Variants in THRB observed in about 807,000 individuals in gnomAD.
THRB encodes the protein thyroid hormone receptor beta.
In THRB, 12 loss-of-function variants were observed where a neutral mutation model predicts 47.8. The observed-to-expected ratio is 0.25, with a 90% CI of 0.16 to 0.41. THRB has a LOEUF of 0.41. Among genes scored for constraint, THRB ranks in the 10% least tolerant of loss-of-function variants. THRB has a pLI of 1.00. For synonymous variants in THRB, 218 were observed against 212.2 expected (o/e 1.03, Z -0.24); for missense variants, 348 against 589.2 (o/e 0.59, Z 4.24).
At position 24,260,848 on chromosome 3, in the gene THRB, G is replaced by A. The variant is rs1352360714; in HGVS notation, c.-42-31847C>T. On this transcript the variant is annotated intron_variant, in intron 3 of 10. Transcript: ENST00000646209. Reference sequence around the variant, plus strand: ...AATTCTTAGGACCACATCTACTCTCGGACCAGGATCTATACCTACGTATTC... The same window carrying A: ...AATTCTTAGGACCACATCTACTCTCAGACCAGGATCTATACCTACGTATTC... 3.9e-5 allele frequency among the ~76,000 whole-genome samples: 6 copies of A among 152,092 alleles called. No homozygotes were observed. In the East Asian group the frequency reaches 9.6e-4, roughly 24 times the overall value.
At chr3:24,221,048 C>T (rs1000333359) in intron 4 of THRB, among the ~76,000 whole-genome samples, 1 of 152,046 alleles carries the variant, frequency 6.6e-6, no homozygotes, top group African/African-American at 2.4e-5. Flanking sequence ...ACTGGCATTC[C>T]ACACTAGTTT....
chr3:24,329,901 G>A (rs1311850490), intron 2 of THRB, among the ~76,000 whole-genome samples: 1 of 152,244 alleles, frequency 6.6e-6, no homozygotes, highest in Non-Finnish European at 1.5e-5. Context: ...TACTGAATCA[G>A]AGACTCTGGC....
intron 3 of THRB, among the ~76,000 whole-genome samples, chr3:24,271,873 A>G (rs1397509392): frequency 6.6e-6 from 1 of 152,168 alleles, no homozygotes; most frequent in East Asian, 1.9e-4. Flanking sequence ...GTAGAAGGGA[A>G]AATATTTATC....
At chr3:24,413,813 C>A (rs551597841) in intron 1 of THRB, among the ~76,000 whole-genome samples, 1 of 151,718 alleles carries the variant, frequency 6.6e-6, no homozygotes, top group South Asian at 2.1e-4. Flanking sequence ...GAGAACATAC[C>A]CCATGGAATA....
At chr3:24,301,505 T>A (rs1193516140) in intron 2 of THRB, among the ~76,000 whole-genome samples, 1 of 152,092 alleles carries the variant, frequency 6.6e-6, no homozygotes, top group East Asian at 1.9e-4. Flanking sequence ...CTAGCCTGTA[T>A]TTTTTAGTTT....
At chr3:24,281,384 T>C (rs1286100788) in intron 3 of THRB, among the ~76,000 whole-genome samples, 4 of 151,788 alleles carry the variant, frequency 2.6e-5, no homozygotes, top group African/African-American at 9.7e-5. Flanking sequence ...GACAAGCAAA[T>C]GCTGAGAGAT....
At chr3:24,421,054 T>C (rs114558236) in intron 1 of THRB, among the ~76,000 whole-genome samples, 2,617 of 152,040 alleles carry the variant, frequency 0.017, 68 homozygotes, top group African/African-American at 0.055. Context: ...TGCAGGAAGA[T>C]GGATGGAGCT....
chr3:24,400,225 C>G (rs180903973), intron 1 of THRB, among the ~76,000 whole-genome samples: 1 of 152,178 alleles, frequency 6.6e-6, no homozygotes, highest in East Asian at 1.9e-4. Flanking sequence ...CAATACTGAG[C>G]TAGCCAAACA....
chr3:24,392,458 C>T (rs1486202438), intron 1 of THRB, among the ~76,000 whole-genome samples: 1 of 152,080 alleles, frequency 6.6e-6, no homozygotes, highest in Non-Finnish European at 1.5e-5. Context: ...GCTATTCTAT[C>T]AAACACTAGG....
intron 1 of THRB, among the ~76,000 whole-genome samples, chr3:24,349,103 T>C (rs976162433): frequency 2.6e-5 from 4 of 152,160 alleles, no homozygotes; most frequent in Non-Finnish European, 5.9e-5. Flanking sequence ...CAGTAAATTA[T>C]ACCATTTATA....
intron 3 of THRB, among the ~76,000 whole-genome samples, chr3:24,269,277 CCACACACACACACACACACACACA>C (rs4024153): frequency 9.2e-5 from 13 of 140,730 alleles, no homozygotes; most frequent in African/African-American, 1.1e-4. Flanking sequence ...AATGGATACA[CCACACACACACACACACACACACA>C]CACACACACA....
chr3:24,130,360 G>A (rs1289991020), intron 9 of THRB, among the ~76,000 whole-genome samples: 2 of 152,138 alleles, frequency 1.3e-5, no homozygotes, highest in East Asian at 1.9e-4. Flanking sequence ...TCCTGGTGGC[G>A]GAGATGGCTG....
chr3:24,165,047 G>T, intron 5 of THRB: 1 of 756,042 alleles, frequency 1.3e-6, no homozygotes, highest in East Asian at 2.4e-5. Flanking sequence ...AGAATACGAT[G>T]GCGACTGCAC....
intron 1 of THRB, among the ~76,000 whole-genome samples, chr3:24,400,334 CA>C (rs1433740300): frequency 6.6e-6 from 1 of 152,032 alleles, no homozygotes; most frequent in Non-Finnish European, 1.5e-5. Flanking sequence ...TTAGTGGAAA[CA>C]AAGCCTGATA....
intron 5 of THRB, among the ~76,000 whole-genome samples, chr3:24,161,853 C>G (rs913231948): frequency 1.5e-5 from 2 of 137,804 alleles, no homozygotes; most frequent in Non-Finnish European, 3.1e-5. Flanking sequence ...CCCATCTCCT[C>G]GATCCTGGCT....
rs926862468 is a variant in THRB at position 24,119,957 on chromosome 3, T to A, written c.*2927A>T. 2.6e-5 allele frequency: 4 copies of A among 151,846 alleles called. No homozygotes were observed. Among genetic ancestry groups the A allele is most frequent in the Non-Finnish European group, 5.9e-5 (4 of 67,992 alleles). 9.4% of individuals were successfully genotyped at this position (151,846 alleles called of 1,614,324 possible). A position where few individuals can be genotyped will look rare whatever the true frequency, so the allele number is the denominator to read the frequency against. ...TAAATACAAATCCCAGCATAATGGGTGTGTTCTCCTCTACTGAGACGTCTC... is the reference window on the plus strand; with the variant it reads ...TAAATACAAATCCCAGCATAATGGGAGTGTTCTCCTCTACTGAGACGTCTC... On this transcript the variant is annotated 3_prime_UTR_variant, in exon 11 of 11. Coordinates refer to ENST00000646209, the MANE Select transcript of THRB (RefSeq NM_001354712.2).
intron 2 of THRB, among the ~76,000 whole-genome samples, 167 bp from the exon 3 acceptor site, chr3:24,297,538 A>G (rs921516891): frequency 6.6e-6 from 1 of 152,234 alleles, no homozygotes; most frequent in Non-Finnish European, 1.5e-5. Flanking sequence ...ACAAATGCAT[A>G]CTCATTACAG....
At chr3:24,206,501 A>G (rs1308140919) in intron 4 of THRB, among the ~76,000 whole-genome samples, 1 of 152,194 alleles carries the variant, frequency 6.6e-6, no homozygotes, top group Non-Finnish European at 1.5e-5. Context: ...CATTTAAAGC[A>G]GTGTGTAGAG....
At chr3:24,250,274 C>T (rs1422323538) in intron 3 of THRB, among the ~76,000 whole-genome samples, 2 of 152,204 alleles carry the variant, frequency 1.3e-5, no homozygotes, top group Non-Finnish European at 2.9e-5. Context: ...ACTTTGAGAT[C>T]TTCTCATAGC....
Sources: gnomAD v4.1 joint callset for allele counts (sites outside exome capture counted in the v4.1 genomes callset) on GRCh38, gnomAD v4.1.1 for gene constraint, MANE v1.5 for transcripts, NCBI Gene and HGNC (gene_info 2026-07-23, HGNC 2026-07-21) for gene names.